The following VEGFC variants were observed in gnomAD, a reference collection of about 807,000 sequenced individuals.
VEGFC encodes the protein FLT4 ligand DHM.
VEGFC carries 12 observed loss-of-function variants against 46.1 expected under a neutral mutation model. The ratio of observed to expected loss-of-function variants is 0.26; its 90% confidence interval spans 0.17 to 0.42. The LOEUF is 0.42. Among genes scored for constraint, VEGFC ranks in the 10% least tolerant of loss-of-function variants. VEGFC has a pLI of 1.00. For synonymous variants in VEGFC, 232 were observed against 195.5 expected, an observed-to-expected ratio of 1.19 and a Z score of -1.56; for missense variants, 488 against 529.4, an observed-to-expected ratio of 0.92 and a Z score of 0.77.
chr4:176,761,053 C>T (rs1327949649), intron 1 of VEGFC, among the ~76,000 whole-genome samples: 3 of 152,094 alleles, frequency 2.0e-5, no homozygotes, highest in Admixed American at 6.5e-5. Context: ...AAGGGGAAAA[C>T]GTTCTGTATT....
At chr4:176,703,043 C>T (rs1259423756) in intron 4 of VEGFC, among the ~76,000 whole-genome samples, 1 of 151,958 alleles carries the variant, frequency 6.6e-6, no homozygotes, top group East Asian at 1.9e-4. Context: ...CATAAAAATA[C>T]AGAAGAGTGA....
At chr4:176,723,910 C>G (rs112863948) in intron 3 of VEGFC, among the ~76,000 whole-genome samples, 1 of 127,846 alleles carries the variant, frequency 7.8e-6, no homozygotes, top group Non-Finnish European at 1.7e-5. Flanking sequence ...GTTTGGGGGT[C>G]CATGTGCAGG....
At chr4:176,745,696 T>C (rs1014361474) in intron 1 of VEGFC, among the ~76,000 whole-genome samples, 1 of 152,070 alleles carries the variant, frequency 6.6e-6, no homozygotes, top group Non-Finnish European at 1.5e-5. Context: ...CCAGTTGTAA[T>C]TGTCACATTT....
chr4:176,751,477 A>G (rs1735341207), intron 1 of VEGFC, among the ~76,000 whole-genome samples: 1 of 152,018 alleles, frequency 6.6e-6, no homozygotes, highest in Non-Finnish European at 1.5e-5. Context: ...TTTATAAGGA[A>G]ACATCAAAAT....
intron 1 of VEGFC, 58 bp from the exon 2 acceptor site, chr4:176,729,804 T>A (rs1332223608): frequency 1.4e-6 from 2 of 1,420,896 alleles, no homozygotes; most frequent in Non-Finnish European, 1.9e-6. Context: ...TAGAAACAAA[T>A]GCACTATAAA....
At chr4:176,693,517 T>C (rs1430245305) in intron 4 of VEGFC, among the ~76,000 whole-genome samples, 1 of 141,700 alleles carries the variant, frequency 7.1e-6, no homozygotes, top group Non-Finnish European at 1.5e-5. Flanking sequence ...TACCTGAAAG[T>C]GATGGGGAGA....
At chr4:176,732,409 G>T (rs1734983479) in intron 1 of VEGFC, among the ~76,000 whole-genome samples, 1 of 151,902 alleles carries the variant, frequency 6.6e-6, no homozygotes, top group African/African-American at 2.4e-5. Context: ...CACCTAATTT[G>T]TTAAAAGAAT....
chr4:176,694,893 G>A (rs1392362878), intron 4 of VEGFC, among the ~76,000 whole-genome samples: 3 of 145,918 alleles, frequency 2.1e-5, no homozygotes, highest in Non-Finnish European at 3.0e-5. Context: ...GGTACGTAAC[G>A]AAATGAAGGC....
At chr4:176,729,489 T>G (rs1734925243) in intron 2 of VEGFC, 44 bp downstream of exon 2, 2 of 1,543,544 alleles carry the variant, frequency 1.3e-6, no homozygotes, top group Non-Finnish European at 1.8e-6. Context: ...CTTCTACTGG[T>G]TTGATATATA....
intron 1 of VEGFC, among the ~76,000 whole-genome samples, chr4:176,740,431 A>ATAAC (rs1735149981): frequency 1.2e-4 from 2 of 16,078 alleles, no homozygotes; most frequent in African/African-American, 2.3e-4. Flanking sequence ...ATATAGTTAT[A>ATAAC]TATATATTCT....
chr4:176,756,149 T>C (rs888005792), intron 1 of VEGFC, among the ~76,000 whole-genome samples: 1 of 152,092 alleles, frequency 6.6e-6, no homozygotes, highest in African/African-American at 2.4e-5. Flanking sequence ...TTTTTAAATC[T>C]ATTAAGTGAT....
Position 176,732,190 on chromosome 4 carries a change from C to A in VEGFC, c.148-2444G>T, listed in dbSNP as rs144495394. Among the ~76,000 whole-genome samples the A allele has an allele frequency of 5.5e-3, 830 of 151,908 alleles. 6 individuals are homozygous for A. Among genetic ancestry groups the A allele is most frequent in the African/African-American group, 0.019 (784 of 41,470 alleles). On this transcript the variant is annotated intron_variant, in intron 1 of 6. Transcript: ENST00000618562. ...TTAAAACACTGCATGAATACTGGTG[C>A]TTCAATAGAAAGATGGACAAAGAAG...
At chr4:176,687,044 T>C in intron 6 of VEGFC, 143 bp downstream of exon 6, 1 of 965,566 alleles carries the variant, frequency 1.0e-6, no homozygotes, top group South Asian at 1.8e-5. Flanking sequence ...TTAGCATTGG[T>C]TAAAAAAATA....
chr4:176,725,832 A>AT (rs1270891604), intron 3 of VEGFC, among the ~76,000 whole-genome samples: 1 of 152,158 alleles, frequency 6.6e-6, no homozygotes. Context: ...TGGCTTGAAG[A>AT]TAAAAACAAC....
intron 1 of VEGFC, among the ~76,000 whole-genome samples, chr4:176,744,959 T>C (rs1735237485): frequency 2.0e-5 from 3 of 152,092 alleles, no homozygotes; most frequent in East Asian, 1.9e-4. Context: ...CAAGCCCTAG[T>C]TGTAGTGCAG....
chr4:176,752,880 C>T (rs1735363797), intron 1 of VEGFC, among the ~76,000 whole-genome samples: 1 of 151,978 alleles, frequency 6.6e-6, no homozygotes, highest in South Asian at 2.1e-4. Flanking sequence ...AGTCTGCTTC[C>T]TCATTTGATA....
At chr4:176,784,392 A>G (rs1410694019) in intron 1 of VEGFC, among the ~76,000 whole-genome samples, 1 of 151,886 alleles carries the variant, frequency 6.6e-6, no homozygotes, top group African/African-American at 2.4e-5. Flanking sequence ...CTTATCCTCA[A>G]AACAACCTGA....
At chr4:176,687,691 GA>G in intron 5 of VEGFC, 129 bp downstream of exon 5, 1 of 955,944 alleles carries the variant, frequency 1.0e-6, no homozygotes, top group South Asian at 1.8e-5. Flanking sequence ...ACGTGAAGTA[GA>G]AAATGTACTA....
intron 1 of VEGFC, among the ~76,000 whole-genome samples, chr4:176,738,394 G>A (rs1402048746): frequency 6.6e-6 from 1 of 151,810 alleles, no homozygotes; most frequent in Non-Finnish European, 1.5e-5. Flanking sequence ...CAGGAATAAA[G>A]CCACACACCT....
Sources: allele counts gnomAD v4.1 joint callset (sites outside exome capture counted in the v4.1 genomes callset), GRCh38; gene constraint gnomAD v4.1.1; transcripts MANE v1.5; gene names NCBI Gene and HGNC (gene_info 2026-07-23, HGNC 2026-07-21).